Variants in SH3GL2 observed in about 807,000 individuals in gnomAD.
SH3GL2 encodes endophilin-A1.
Under a neutral mutation model 46.0 loss-of-function variants are expected in SH3GL2, and 24 were observed. The ratio of observed to expected loss-of-function variants is 0.52; its 90% confidence interval spans 0.38 to 0.73. The LOEUF (loss-of-function observed/expected upper bound fraction) is 0.73, where lower values mean the gene tolerates loss of function less well. SH3GL2 is among the 30% of genes least tolerant of loss of function. The pLI is 0.00. For synonymous variants in SH3GL2, 196 were observed against 147.1 expected (o/e 1.33, Z -2.40); for missense variants, 413 against 424.2 (o/e 0.97, Z 0.23).
chr9:17,645,524 C>T (rs1314841771), intron 1 of SH3GL2, among the ~76,000 whole-genome samples: 3 of 151,876 alleles, frequency 2.0e-5, no homozygotes, highest in Non-Finnish European at 4.4e-5. Flanking sequence ...TTTTCCTTAC[C>T]ATATTTAGTG....
intron 1 of SH3GL2, among the ~76,000 whole-genome samples, chr9:17,615,366 C>G (rs1211084832): frequency 1.3e-5 from 2 of 152,052 alleles, no homozygotes; most frequent in Non-Finnish European, 2.9e-5. Context: ...TTTAAAATTT[C>G]CCTTCATTGG....
At chr9:17,729,639 A>G (rs561389247) in intron 1 of SH3GL2, among the ~76,000 whole-genome samples, 1 of 152,322 alleles carries the variant, frequency 6.6e-6, no homozygotes, top group Middle Eastern at 3.4e-3. Flanking sequence ...ATTTTTGTAT[A>G]AGGTGTAAGG....
At chr9:17,585,219 A>G (rs200622782) in intron 1 of SH3GL2, among the ~76,000 whole-genome samples, 2 of 152,192 alleles carry the variant, frequency 1.3e-5, no homozygotes, top group African/African-American at 4.8e-5. Flanking sequence ...AGGGCAGGAC[A>G]CACTGACAAA....
chr9:17,580,627 C>T (rs1257877582), intron 1 of SH3GL2, among the ~76,000 whole-genome samples: 2 of 152,106 alleles, frequency 1.3e-5, no homozygotes, highest in Admixed American at 6.5e-5. Context: ...TATCTGTGAC[C>T]TCTCTGCCAG....
chr9:17,643,937 A>G (rs1471585283), intron 1 of SH3GL2, among the ~76,000 whole-genome samples: 1 of 152,186 alleles, frequency 6.6e-6, no homozygotes, highest in Non-Finnish European at 1.5e-5. Flanking sequence ...CTCTGGTAGA[A>G]TTCAGCTGTG....
intron 1 of SH3GL2, among the ~76,000 whole-genome samples, chr9:17,615,871 A>G (rs777994114): frequency 3.3e-5 from 5 of 152,156 alleles, no homozygotes; most frequent in Admixed American, 2.6e-4. Context: ...TCAGCTGATT[A>G]ATTTGCTCTA....
In SH3GL2 at chr9:17,796,139, GA is replaced by G. The variant is rs1824270243; in HGVS notation, c.*399del. 1.2e-5 allele frequency: 2 copies of G among 168,090 alleles called. No homozygotes were observed. The highest frequency in any genetic ancestry group is 4.7e-5 in the African/African-American group (2 of 42,138). 10.4% of individuals were successfully genotyped at this position (168,090 alleles called of 1,614,324 possible). On this transcript the variant is annotated 3_prime_UTR_variant, in exon 9 of 9. Coordinates refer to ENST00000380607, the MANE Select transcript of SH3GL2 (RefSeq NM_003026.5). ...TTTGCATTTCTCCATGCAAAGAGGA[GA>G]AAGCTTTTGCTTTCACACTGTCCCT...
At chr9:17,728,034 A>T (rs916103905) in intron 1 of SH3GL2, among the ~76,000 whole-genome samples, 13 of 152,144 alleles carry the variant, frequency 8.5e-5, no homozygotes, top group African/African-American at 3.1e-4. Context: ...TTTTCATTGT[A>T]TTTGTTACAT....
intron 1 of SH3GL2, among the ~76,000 whole-genome samples, chr9:17,655,111 G>C (rs935674682): frequency 6.6e-6 from 1 of 152,154 alleles, no homozygotes. Flanking sequence ...AAATGCTTCA[G>C]ACACCTAAGG....
At chr9:17,587,939 C>G (rs148857546) in intron 1 of SH3GL2, among the ~76,000 whole-genome samples, 4 of 151,820 alleles carry the variant, frequency 2.6e-5, no homozygotes, top group Non-Finnish European at 4.4e-5. Flanking sequence ...TAATAGGCTT[C>G]TGATGTGTTT....
rs781299433 is a variant in SH3GL2, at chr9:17,793,360, A to G, written c.729-7A>G. 6.2e-7 allele frequency: 1 copy of G among 1,605,896 alleles called. No individual in the cohort carries two copies. Among genetic ancestry groups the G allele is most frequent in the Admixed American group, 1.7e-5 (1 of 58,360 alleles). On this transcript the variant is annotated splice_polypyrimidine_tract_variant and splice_region_variant and intron_variant, in intron 7 of 8. Transcript: ENST00000380607. ...TAACCTTTCCACCACTTTTCTTTTT[A>G]CTGCAGAATAAGACAGGCTTCATCT...
chr9:17,646,260 G>C (rs1819814049), intron 1 of SH3GL2, among the ~76,000 whole-genome samples: 1 of 151,910 alleles, frequency 6.6e-6, no homozygotes, highest in Non-Finnish European at 1.5e-5. Context: ...GATTATTCTA[G>C]TTAGCAATTC....
In SH3GL2 at chr9:17,679,839, G is replaced by C. The variant is rs567016685; in HGVS notation, c.46-67227G>C. 2.1e-3 allele frequency among the ~76,000 whole-genome samples: 318 copies of C among 152,216 alleles called. 2 individuals are homozygous for C. Among genetic ancestry groups the C allele is most frequent in the African/African-American group, 7.4e-3 (307 of 41,520 alleles). ...ATTTATTGAGAGTTTTTAGCATGAA[G>C]GGCTGTTGAATTTTGTCAAAGGCCT... On this transcript the variant is annotated intron_variant, in intron 1 of 8. Coordinates refer to ENST00000380607, the MANE Select transcript of SH3GL2 (RefSeq NM_003026.5).
intron 2 of SH3GL2, among the ~76,000 whole-genome samples, chr9:17,756,708 C>T (rs1823002290): frequency 6.6e-6 from 1 of 152,076 alleles, no homozygotes; most frequent in African/African-American, 2.4e-5. Context: ...GCCACAGTTT[C>T]TTAATCCAGT....
In SH3GL2 at chr9:17,761,483, C is replaced by T; in HGVS notation, c.161C>T (p.Thr54Ile). 3 of 1,604,156 alleles carry T rather than the reference C, an allele frequency of 1.9e-6. No homozygotes were observed. The highest frequency in any genetic ancestry group is 2.2e-5 in the East Asian group (1 of 44,832). ...SRAVMEIMTK[T>I]IEYLQPNPAS... ...GCTGTGATGGAAATAATGACTAAAA[C>T]AATTGAATACCTTCAACCCAATCCA... is the stretch of plus-strand genomic sequence containing the variant. The change falls in exon 3 of 9, where the codon ACA becomes ATA. Residue 54 changes from threonine (T) to isoleucine (I), a missense_variant. By Grantham distance (89) the Thr-to-Ile change is moderately conservative (BLOSUM62 -1). Around this residue, in one of 3 missense-constraint regions of SH3GL2, gnomAD observed 160 missense variants for 192.3 expected, o/e 0.83. Transcript: ENST00000380607.
chr9:17,688,264 C>T (rs1047418054), intron 1 of SH3GL2, among the ~76,000 whole-genome samples: 1 of 151,980 alleles, frequency 6.6e-6, no homozygotes, highest in African/African-American at 2.4e-5. Context: ...AAATTTTCAA[C>T]CACTGGAATT....
chr9:17,653,652 C>G (rs573954225), intron 1 of SH3GL2, among the ~76,000 whole-genome samples: 1 of 152,246 alleles, frequency 6.6e-6, no homozygotes, highest in South Asian at 2.1e-4. Context: ...GAGGTAGGGC[C>G]TTTAAAAGGT....
chr9:17,761,290 C>A, intron 2 of SH3GL2, 147 bp from the exon 3 acceptor site: 1 of 645,008 alleles, frequency 1.6e-6, no homozygotes, highest in Admixed American at 2.4e-5. Context: ...AGCATGACTT[C>A]CAGCCGCGTC....
intron 1 of SH3GL2, among the ~76,000 whole-genome samples, chr9:17,727,319 C>T (rs1329196681): frequency 1.3e-5 from 2 of 152,166 alleles, no homozygotes; most frequent in Admixed American, 1.3e-4. Context: ...AGTGTGTAGG[C>T]TGTTTTTGAA....
Sources: allele counts gnomAD v4.1 joint callset (sites outside exome capture counted in the v4.1 genomes callset), GRCh38; gene constraint gnomAD v4.1.1; regional missense constraint gnomAD v4.1.1; transcripts MANE v1.5; gene names NCBI Gene and HGNC (gene_info 2026-07-23, HGNC 2026-07-21).